Variants in RALYL observed in about 807,000 individuals in gnomAD.
The protein encoded by RALYL is RALY RNA binding protein like.
Under a neutral mutation model 35.1 loss-of-function variants are expected in RALYL, and 29 were observed. The observed-to-expected ratio is 0.83, with a 90% CI of 0.61 to 1.13. The LOEUF is 1.13. Among genes scored for constraint, RALYL ranks in the 50% most tolerant of loss-of-function variants. The probability of loss-of-function intolerance (pLI) is 0.00; values close to 1 mark genes in which losing one functional copy is unlikely to be tolerated. For missense variants in RALYL, 359 were observed against 360.4 expected (o/e 1.00, Z 0.03); for synonymous variants, 120 against 127.6 (o/e 0.94, Z 0.40).
chr8:84,896,376 A>C (rs1342070347), intron 8 of RALYL, among the ~76,000 whole-genome samples: 1 of 152,158 alleles, frequency 6.6e-6, no homozygotes, highest in Non-Finnish European at 1.5e-5. Context: ...CTAATGACTG[A>C]ATATTTTGCA....
At chr8:84,496,175 C>T (rs547652418) in intron 1 of RALYL, among the ~76,000 whole-genome samples, 38 of 152,236 alleles carry the variant, frequency 2.5e-4, no homozygotes, top group African/African-American at 8.4e-4. Context: ...AAGAACTCCA[C>T]AACTCTACTA....
intron 1 of RALYL, among the ~76,000 whole-genome samples, chr8:84,272,195 C>T (rs927157971): frequency 4.6e-5 from 7 of 151,996 alleles, no homozygotes; most frequent in Admixed American, 6.6e-5. Context: ...CAGGTTCAAG[C>T]GATTCTCCTG....
At chr8:84,281,982 C>A (rs1194974161) in intron 1 of RALYL, among the ~76,000 whole-genome samples, 2 of 151,986 alleles carry the variant, frequency 1.3e-5, no homozygotes, top group African/African-American at 4.8e-5. Flanking sequence ...TATGATTTAG[C>A]CATTAATGTG....
At chr8:84,344,371 G>A (rs1036231169) in intron 1 of RALYL, among the ~76,000 whole-genome samples, 5 of 151,966 alleles carry the variant, frequency 3.3e-5, no homozygotes, top group African/African-American at 7.2e-5. Flanking sequence ...ATTATTTAAA[G>A]TAGTGTAACA....
chr8:84,419,201 G>A (rs907667988), intron 1 of RALYL, among the ~76,000 whole-genome samples: 18 of 152,194 alleles, frequency 1.2e-4, no homozygotes, highest in African/African-American at 3.4e-4. Flanking sequence ...TGGTCTCCTT[G>A]TATATTCACA....
intron 1 of RALYL, among the ~76,000 whole-genome samples, chr8:84,511,687 C>T (rs192832011): frequency 2.7e-4 from 41 of 152,236 alleles, no homozygotes; most frequent in Admixed American, 7.8e-4. Flanking sequence ...AACTACCTCT[C>T]TTCATCTCAC....
intron 2 of RALYL, among the ~76,000 whole-genome samples, chr8:84,543,508 A>T (rs2060153768): frequency 6.6e-6 from 1 of 152,064 alleles, no homozygotes; most frequent in African/African-American, 2.4e-5. Context: ...AAAAAATAAA[A>T]AAAAACAACT....
At chr8:84,385,319 G>C (rs377300669) in intron 1 of RALYL, among the ~76,000 whole-genome samples, 15 of 151,886 alleles carry the variant, frequency 9.9e-5, no homozygotes, top group African/African-American at 3.4e-4. Flanking sequence ...ATATAAATTA[G>C]TTTTAGAGCA....
At chr8:84,722,212 T>C (rs565993438) in intron 2 of RALYL, among the ~76,000 whole-genome samples, 15 of 152,240 alleles carry the variant, frequency 9.9e-5, no homozygotes, top group African/African-American at 3.6e-4. Context: ...TATTTCTTTC[T>C]TTTCTGAGTA....
chr8:84,662,231 G>T (rs903251588), intron 2 of RALYL, among the ~76,000 whole-genome samples: 4 of 152,046 alleles, frequency 2.6e-5, no homozygotes, highest in African/African-American at 9.7e-5. Flanking sequence ...CTTATCATGG[G>T]CTTCATGGAA....
intron 1 of RALYL, among the ~76,000 whole-genome samples, chr8:84,343,671 C>G (rs969642253): frequency 6.6e-6 from 1 of 151,708 alleles, no homozygotes; most frequent in African/African-American, 2.4e-5. Context: ...ACTCTGCCAC[C>G]CAGACTGGAG....
At chr8:84,706,821 C>T (rs1185388630) in intron 2 of RALYL, among the ~76,000 whole-genome samples, 3 of 152,112 alleles carry the variant, frequency 2.0e-5, no homozygotes, top group Non-Finnish European at 4.4e-5. Context: ...TTTACAATCA[C>T]CTCTCTCTAG....
Position 84,342,277 on chromosome 8 carries a change from A to ATATATATATATAT in RALYL, c.-24+157853_-24+157854insTATATATATATAT, listed in dbSNP as rs1848942440. ...TGAGTGAGGGTACAGAGCATCGTTC[A>ATATATATATATAT]ATATATATATATATATATAAAACTC... is the stretch of plus-strand genomic sequence containing the variant. On this transcript the variant is annotated intron_variant, in intron 1 of 8. Transcript: ENST00000521268. Among the ~76,000 whole-genome samples, 375 of 66,138 alleles carry ATATATATATATAT rather than the reference A, an allele frequency of 5.7e-3. 32 individuals carry two copies. Among genetic ancestry groups the ATATATATATATAT allele is most frequent in the African/African-American group, 0.027 (361 of 13,344 alleles). The allele number at this position is 66,138 out of a possible 152,430, so 43.4% of individuals were successfully genotyped here.
chr8:84,618,174 G>C (rs1017897458), intron 2 of RALYL, among the ~76,000 whole-genome samples: 1 of 151,838 alleles, frequency 6.6e-6, no homozygotes, highest in Non-Finnish European at 1.5e-5. Flanking sequence ...AATGGTACCA[G>C]TTCTTCCTTG....
At chr8:84,907,012 G>A in intron 8 of RALYL, 1 of 978,014 alleles carries the variant, frequency 1.0e-6, no homozygotes, top group Non-Finnish European at 1.2e-6. Flanking sequence ...CAGGCCTTTG[G>A]AAAGCTGGTA....
At chr8:84,254,969 T>A (rs1338473445) in intron 1 of RALYL, among the ~76,000 whole-genome samples, 16 of 152,076 alleles carry the variant, frequency 1.1e-4, no homozygotes, top group Admixed American at 9.2e-4. Flanking sequence ...GGAAACTGCT[T>A]CCATGATCCA....
At position 84,756,195 on chromosome 8, in the gene RALYL, A is replaced by T. The variant is rs143927498; in HGVS notation, c.257-18384A>T. Among the ~76,000 whole-genome samples, 921 of 152,250 alleles carry T rather than the reference A, an allele frequency of 6.0e-3. 7 individuals are homozygous for T. The highest frequency in any genetic ancestry group is 0.021 in the African/African-American group (868 of 41,562). ...AAAAACCAATAAGATTATTTGAAATATAGAGTGATAAAATGTTTCAGACAA... is the reference window on the plus strand; with the variant it reads ...AAAAACCAATAAGATTATTTGAAATTTAGAGTGATAAAATGTTTCAGACAA... On this transcript the variant is annotated intron_variant, in intron 2 of 8. Transcript: ENST00000521268.
chr8:84,792,740 G>A (rs1003040914), intron 3 of RALYL, among the ~76,000 whole-genome samples: 2 of 152,156 alleles, frequency 1.3e-5, no homozygotes, highest in African/African-American at 2.4e-5. Flanking sequence ...CCTGGGGCCA[G>A]CTTAGGTTTT....
intron 2 of RALYL, among the ~76,000 whole-genome samples, chr8:84,767,640 C>T (rs1173065450): frequency 6.6e-6 from 1 of 152,178 alleles, no homozygotes; most frequent in African/African-American, 2.4e-5. Flanking sequence ...GTAGAGTTCT[C>T]TTAACCTGTG....
Sources: allele counts gnomAD v4.1 joint callset (sites outside exome capture counted in the v4.1 genomes callset), GRCh38; gene constraint gnomAD v4.1.1; transcripts MANE v1.5; gene names NCBI Gene and HGNC (gene_info 2026-07-23, HGNC 2026-07-21).